PICK1: variants seen among roughly 807,000 people sequenced by gnomAD.
PICK1 encodes PRKCA-binding protein.
A neutral mutation model predicts 48.9 loss-of-function variants in PICK1; 23 were observed. The ratio of observed to expected loss-of-function variants is 0.47; its 90% CI spans 0.34 to 0.67. The LOEUF is 0.67. PICK1 is among the 30% of genes least tolerant of loss of function. The probability of loss-of-function intolerance (pLI) is 0.01; values close to 1 mark genes in which losing one functional copy is unlikely to be tolerated. For missense variants in PICK1, 423 were observed against 557.1 expected, an observed-to-expected ratio of 0.76 and a Z score of 2.42; for synonymous variants, 217 against 228.2, an observed-to-expected ratio of 0.95 and a Z score of 0.44.
At position 38,057,827 on chromosome 22, in the gene PICK1, T is replaced by C. The variant is rs1157809635; in HGVS notation, c.18T>C (p.Asp6=). 6.2e-7 allele frequency: 1 copy of C among 1,614,030 alleles called. No individual in the cohort carries two copies. Among genetic ancestry groups the C allele is most frequent in the East Asian group, 2.2e-5 (1 of 44,888 alleles). Residue 6 remains aspartate, a synonymous_variant, in exon 2 of 13, where the codon GAT becomes GAC. Coordinates refer to ENST00000356976, the MANE Select transcript of PICK1 (RefSeq NM_012407.4). ...TCGGAACCATGTTTGCAGACTTGGATTATGACATCGAAGAGGATAAACTGT... is the reference window on the plus strand; with the variant it reads ...TCGGAACCATGTTTGCAGACTTGGACTATGACATCGAAGAGGATAAACTGT... MFADL[D]YDIEEDKLGI... is the part of the protein sequence containing the mutation.
rs1425685339 is a variant in PICK1, at chr22:38,074,124, T to C, written c.835-183T>C. On this transcript the variant is annotated intron_variant, in intron 11 of 12. Coordinates refer to ENST00000356976, the MANE Select transcript of PICK1 (RefSeq NM_012407.4). The surrounding 1 kb of genome is among the most constrained non-coding windows in gnomAD (Gnocchi z 4.5). ...GGATCCATTTCGTGGCCAGTGTTCA[T>C]TGAATGTGGCAGAGGTTTGGGTTTG... 14 of 697,496 alleles carry C rather than the reference T, an allele frequency of 2.0e-5. No homozygotes were observed. The highest frequency in any genetic ancestry group is 3.7e-5 in the South Asian group (2 of 54,012). 43.2% of individuals were successfully genotyped at this position (697,496 alleles called of 1,614,324 possible).
chr22:38,069,151 C>T (rs1341338697), intron 6 of PICK1, 29 bp downstream of exon 6: 1 of 1,533,540 alleles, frequency 6.5e-7, no homozygotes, highest in South Asian at 1.2e-5. Flanking sequence ...AGCTGGGGCC[C>T]CGGGGACTCA....
Position 38,074,785 on chromosome 22 carries a change from C to T in PICK1, c.980-79C>T, listed in dbSNP as rs889021490. 1.4e-5 allele frequency: 20 copies of T among 1,455,722 alleles called. No individual in the cohort carries two copies. Among genetic ancestry groups the T allele is most frequent in the Admixed American group, 1.8e-5 (1 of 56,516 alleles). The allele number at this position is 1,455,722 out of a possible 1,614,324, so 90.2% of individuals were successfully genotyped here. On this transcript the variant is annotated intron_variant, in intron 12 of 12. Transcript: ENST00000356976. This position sits in a 1 kb window ranked among gnomAD's most constrained non-coding sequence, Gnocchi z 4.5. Reference sequence around the variant, plus strand: ...AGCCCAGGGGAGGCGAGAGGTGGGCCGGGTGGGCTGGGAGAGTCTCCTCCC... The same window carrying T: ...AGCCCAGGGGAGGCGAGAGGTGGGCTGGGTGGGCTGGGAGAGTCTCCTCCC...
rs1271011637 is a variant in PICK1 at position 38,074,660 on chromosome 22, C to T, written c.980-204C>T. ...CATGATCCATTTACCCTGCAGCCTC[C>T]TGCGTTCCCTGAACTGGGAGCGGGG... On this transcript the variant is annotated intron_variant, in intron 12 of 12. Transcript: ENST00000356976. This position sits in a 1 kb window ranked among gnomAD's most constrained non-coding sequence, Gnocchi z 4.5. Among the ~76,000 whole-genome samples the T allele has an allele frequency of 2.0e-5, 3 of 152,362 alleles. No homozygotes were observed. Among genetic ancestry groups the T allele is most frequent in the East Asian group, 3.9e-4 (2 of 5,180 alleles).
intron 3 of PICK1, among the ~76,000 whole-genome samples, chr22:38,064,572 A>C (rs2085480193): frequency 6.6e-6 from 1 of 151,564 alleles, no homozygotes; most frequent in Non-Finnish European, 1.5e-5. Flanking sequence ...GACCAGCCTG[A>C]CCAACATGGA....
chr22:38,066,987 C>G lies in PICK1; in HGVS notation c.283-717C>G, dbSNP rs1038759474. 2.0e-5 allele frequency among the ~76,000 whole-genome samples: 3 copies of G among 152,218 alleles called. No homozygotes were observed. The highest frequency in any genetic ancestry group is 7.2e-5 in the African/African-American group (3 of 41,456). Reference sequence around the variant, plus strand: ...CCCAGCACCAGGCACAGAGCAAGTGCTCAGATGTGCTGTTCGATGAGTAGA... The same window carrying G: ...CCCAGCACCAGGCACAGAGCAAGTGGTCAGATGTGCTGTTCGATGAGTAGA... On this transcript the variant is annotated intron_variant, in intron 4 of 12. Coordinates refer to ENST00000356976, the MANE Select transcript of PICK1 (RefSeq NM_012407.4). This position sits in a 1 kb window ranked among gnomAD's most constrained non-coding sequence, Gnocchi z 4.1.
At chr22:38,061,848 T>A (rs2085411617) in intron 3 of PICK1, among the ~76,000 whole-genome samples, 1 of 152,234 alleles carries the variant, frequency 6.6e-6, no homozygotes, top group Non-Finnish European at 1.5e-5. Flanking sequence ...ATCTATCACC[T>A]GTAAATATCT....
rs2085518445 is a variant in PICK1, at chr22:38,066,130, A to T, written c.282+1000A>T. On this transcript the variant is annotated intron_variant, in intron 4 of 12. Transcript: ENST00000356976. The surrounding 1 kb of genome is among the most constrained non-coding windows in gnomAD (Gnocchi z 4.1). Reference sequence around the variant, plus strand: ...TCCAGCCCCTTTAGCCATAGGACAAATCAGGGCCTGGGGCTGGGGCTCAGA... The same window carrying T: ...TCCAGCCCCTTTAGCCATAGGACAATTCAGGGCCTGGGGCTGGGGCTCAGA... Among the ~76,000 whole-genome samples, 1 of 152,128 alleles carries T rather than the reference A, an allele frequency of 6.6e-6. No individual in the cohort carries two copies. Among genetic ancestry groups the T allele is most frequent in the African/African-American group, 2.4e-5 (1 of 41,408 alleles).
Position 38,066,771 on chromosome 22 carries a change from A to G in PICK1, c.283-933A>G, listed in dbSNP as rs1472878025. 6.6e-6 allele frequency among the ~76,000 whole-genome samples: 1 copy of G among 152,226 alleles called. No homozygotes were observed. Among genetic ancestry groups the G allele is most frequent in the African/African-American group, 2.4e-5 (1 of 41,452 alleles). ...TAAAATCCTGTTTTATATTTGGATG[A>G]ATGTGGTCCCAAGTTCAAGGGCTTT... On this transcript the variant is annotated intron_variant, in intron 4 of 12. Transcript: ENST00000356976. This position sits in a 1 kb window ranked among gnomAD's most constrained non-coding sequence, Gnocchi z 4.1.
chr22:38,059,654 A>G (rs1422398659), intron 3 of PICK1, among the ~76,000 whole-genome samples: 1 of 152,242 alleles, frequency 6.6e-6, no homozygotes, highest in African/African-American at 2.4e-5. Flanking sequence ...AGTGCCTGGC[A>G]CATAGTGGAC....
intron 3 of PICK1, 106 bp downstream of exon 3, chr22:38,059,451 G>A (rs1601936081): frequency 2.4e-6 from 2 of 828,354 alleles, no homozygotes; most frequent in South Asian, 2.9e-5. Context: ...CATTCTTGAG[G>A]TCTGACCCTC....
chr22:38,059,527 GT>G (rs1386180271), intron 3 of PICK1, among the ~76,000 whole-genome samples, 182 bp downstream of exon 3: 1 of 152,120 alleles, frequency 6.6e-6, no homozygotes, highest in African/African-American at 2.4e-5. Context: ...GTGTCGCTCT[GT>G]TTTTTTCCTT....
At chr22:38,058,425 C>T (rs894841820) in intron 2 of PICK1, among the ~76,000 whole-genome samples, 4 of 152,068 alleles carry the variant, frequency 2.6e-5, no homozygotes, top group Non-Finnish European at 5.9e-5. Context: ...GAGAGGTAAT[C>T]GAGCAGTTGA....
At chr22:38,069,181 G>C in intron 6 of PICK1, 59 bp downstream of exon 6, 3 of 1,268,782 alleles carry the variant, frequency 2.4e-6, no homozygotes, top group Middle Eastern at 2.4e-4. Flanking sequence ...TGAGAAGAGT[G>C]GGGGGCACCA....
At chr22:38,064,152 G>T (rs1222888149) in intron 3 of PICK1, among the ~76,000 whole-genome samples, 1 of 151,880 alleles carries the variant, frequency 6.6e-6, no homozygotes, top group African/African-American at 2.4e-5. Context: ...CCACTTCCCA[G>T]GTTCAAGCGA....
chr22:38,064,637 T>C (rs1258160531), intron 3 of PICK1, among the ~76,000 whole-genome samples: 1 of 152,078 alleles, frequency 6.6e-6, no homozygotes, highest in African/African-American at 2.4e-5. Flanking sequence ...AGCGCATGCC[T>C]GTAACCCCAG....
At chr22:38,062,250 C>CT (rs58816852) in intron 3 of PICK1, among the ~76,000 whole-genome samples, 31 of 133,734 alleles carry the variant, frequency 2.3e-4, no homozygotes, top group Admixed American at 4.5e-4. Flanking sequence ...AATTTCCCAT[C>CT]TTTTTTTTTT....
At chr22:38,063,590 A>G (rs1476080850) in intron 3 of PICK1, among the ~76,000 whole-genome samples, 2 of 151,958 alleles carry the variant, frequency 1.3e-5, no homozygotes, top group Non-Finnish European at 2.9e-5. Context: ...TGTGATTTGC[A>G]AATATTTTCT....
In PICK1 at chr22:38,072,554, G is replaced by A. The variant is rs748819803; in HGVS notation, c.634G>A (p.Asp212Asn). Residue 212 changes from aspartate to asparagine, a missense_variant, in exon 9 of 13, where the codon GAT becomes AAT. Asp to Asn is a conservative substitution (Grantham distance 23). Coordinates refer to ENST00000356976, the MANE Select transcript of PICK1 (RefSeq NM_012407.4). ...GAGCGAGGCTTTTGTGAAGTTCGCC[G>A]ATGCCCACCGCAGCATCGAGAAGTT... ...AASEAFVKFA[D>N]AHRSIEKFGI... 17 of 1,613,334 alleles carry A rather than the reference G, an allele frequency of 1.1e-5. No homozygotes were observed. Among genetic ancestry groups the A allele is most frequent in the East Asian group, 6.7e-5 (3 of 44,894 alleles).
Sources: gnomAD v4.1 joint callset for allele counts (sites outside exome capture counted in the v4.1 genomes callset) on GRCh38, gnomAD v4.1.1 for gene constraint, Gnocchi (gnomAD v3.1) non-coding constraint, MANE v1.5 for transcripts, NCBI Gene and HGNC (gene_info 2026-07-23, HGNC 2026-07-21) for gene names.